KAZN: variants seen among roughly 807,000 people sequenced by gnomAD.
KAZN encodes the protein kazrin.
Under a neutral mutation model 87.4 loss-of-function variants are expected in KAZN, and 40 were observed. The observed-to-expected ratio is 0.46, with a 90% CI of 0.36 to 0.60. The LOEUF (loss-of-function observed/expected upper bound fraction) is 0.60. Ranked by LOEUF, KAZN falls within the 20% of genes least tolerant of loss-of-function variation. The probability of loss-of-function intolerance (pLI) is 0.00; values close to 1 mark genes in which losing one functional copy is unlikely to be tolerated. For synonymous variants in KAZN, 466 were observed against 458.3 expected, an observed-to-expected ratio of 1.02 and a Z score of -0.22; for missense variants, 898 against 1,073.9, an observed-to-expected ratio of 0.84 and a Z score of 2.29.
chr1:15,068,107 AT>A (rs1384429412), intron 8 of KAZN: 1 of 919,438 alleles, frequency 1.1e-6, no homozygotes, highest in African/African-American at 2.0e-5. Context: ...GGATGCAAAT[AT>A]AAAATATTAA....
At chr1:14,219,681 A>G (rs1310535295) in intron 2 of KAZN, among the ~76,000 whole-genome samples, 1 of 152,222 alleles carries the variant, frequency 6.6e-6, no homozygotes, top group East Asian at 1.9e-4. Flanking sequence ...TGCTATATGG[A>G]CAAAGTATTA....
intron 2 of KAZN, among the ~76,000 whole-genome samples, chr1:14,970,608 C>G (rs192881656): frequency 1.3e-5 from 2 of 152,322 alleles, no homozygotes; most frequent in Admixed American, 1.3e-4. Context: ...GCAGCCAGGA[C>G]GGCGCCTTCC....
chr1:15,038,073 G>A (rs1213650931), intron 3 of KAZN, among the ~76,000 whole-genome samples: 1 of 152,076 alleles, frequency 6.6e-6, no homozygotes, highest in Non-Finnish European at 1.5e-5. Flanking sequence ...ACAACAGAGT[G>A]AGACCTCCAT....
intron 1 of KAZN, among the ~76,000 whole-genome samples, chr1:14,053,549 T>C (rs1642427171): frequency 6.6e-6 from 1 of 152,192 alleles, no homozygotes; most frequent in Non-Finnish European, 1.5e-5. Flanking sequence ...AGGAAAACTG[T>C]CTGATGACAC....
intron 2 of KAZN, among the ~76,000 whole-genome samples, chr1:14,502,459 GT>G (rs984309271): frequency 2.0e-5 from 3 of 152,082 alleles, no homozygotes; most frequent in Non-Finnish European, 1.5e-5. Context: ...CAATTTCTGG[GT>G]TTTTTTAGGT....
intron 2 of KAZN, among the ~76,000 whole-genome samples, chr1:14,513,235 T>C (rs1557768721): frequency 6.6e-6 from 1 of 152,180 alleles, no homozygotes; most frequent in East Asian, 1.9e-4. Context: ...GTATAACTTA[T>C]TGTCTTAAGC....
chr1:13,998,301 A>G (rs896083998), intron 1 of KAZN, among the ~76,000 whole-genome samples: 1 of 152,228 alleles, frequency 6.6e-6, no homozygotes, highest in East Asian at 1.9e-4. Flanking sequence ...CGACACTATG[A>G]AAAAACTGCA....
At chr1:14,210,572 A>G (rs1438814904) in intron 2 of KAZN, among the ~76,000 whole-genome samples, 4 of 152,170 alleles carry the variant, frequency 2.6e-5, no homozygotes, top group Non-Finnish European at 5.9e-5. Flanking sequence ...AAATTCTCAA[A>G]CTTTTTGGTT....
intron 2 of KAZN, among the ~76,000 whole-genome samples, chr1:14,464,222 A>C (rs926973211): frequency 2.6e-5 from 4 of 152,358 alleles, no homozygotes; most frequent in African/African-American, 9.6e-5. Flanking sequence ...AGAAACTAGT[A>C]GTAGCTGGGG....
At chr1:14,843,533 C>G (rs1415064609) in intron 1 of KAZN, among the ~76,000 whole-genome samples, 1 of 152,134 alleles carries the variant, frequency 6.6e-6, no homozygotes, top group African/African-American at 2.4e-5. Context: ...TCTGCCGTGC[C>G]CTGATTCTGA....
At chr1:14,659,570 C>A (rs554637198) in intron 1 of KAZN, among the ~76,000 whole-genome samples, 1 of 152,124 alleles carries the variant, frequency 6.6e-6, no homozygotes, top group Non-Finnish European at 1.5e-5. Context: ...ACCGATGGCA[C>A]CATAAACTTC....
At chr1:14,883,418 A>AGAAAGAAAGAAG (rs1653696737) in intron 1 of KAZN, among the ~76,000 whole-genome samples, 1 of 150,018 alleles carries the variant, frequency 6.7e-6, no homozygotes, top group Non-Finnish European at 1.5e-5. Context: ...AAAGAAAGAA[A>AGAAAGAAAGAAG]GAAAGAAAAG....
intron 2 of KAZN, among the ~76,000 whole-genome samples, chr1:14,229,536 T>G (rs1647611340): frequency 6.6e-6 from 1 of 152,244 alleles, no homozygotes; most frequent in Non-Finnish European, 1.5e-5. Flanking sequence ...TATTCCTGTT[T>G]CCTTTCGGAC....
intron 2 of KAZN, among the ~76,000 whole-genome samples, chr1:14,994,780 G>T (rs1057238053): frequency 6.6e-6 from 1 of 152,216 alleles, no homozygotes; most frequent in Non-Finnish European, 1.5e-5. Flanking sequence ...CTGAGACTCC[G>T]TGTATTCATC....
intron 1 of KAZN, among the ~76,000 whole-genome samples, chr1:13,993,142 T>C (rs562482282): frequency 6.6e-6 from 1 of 152,330 alleles, no homozygotes; most frequent in South Asian, 2.1e-4. Flanking sequence ...GTTTGCCATC[T>C]CCTCTTTTCC....
chr1:14,169,754 C>G (rs1481713178), intron 1 of KAZN, among the ~76,000 whole-genome samples: 6 of 152,174 alleles, frequency 3.9e-5, no homozygotes, highest in African/African-American at 1.4e-4. Context: ...GGGCCAGGCA[C>G]TGTTTTGAGT....
chr1:15,063,934 G>A (rs187098177), intron 7 of KAZN, among the ~76,000 whole-genome samples: 39 of 152,300 alleles, frequency 2.6e-4, no homozygotes, highest in South Asian at 2.3e-3. Flanking sequence ...GGTGGGCTGG[G>A]GCCTGAGCCA....
intron 1 of KAZN, among the ~76,000 whole-genome samples, chr1:14,943,989 G>A (rs2013055): frequency 0.11 from 16,218 of 152,196 alleles, 1,008 homozygotes; most frequent in Middle Eastern, 0.14. Context: ...CAGGAGAATC[G>A]CTTGAACCCG....
At chr1:14,077,438 A>G (rs1403362360) in intron 1 of KAZN, among the ~76,000 whole-genome samples, 1 of 152,182 alleles carries the variant, frequency 6.6e-6, no homozygotes, top group African/African-American at 2.4e-5. Flanking sequence ...ATGTTACTCA[A>G]AAGATCTTTC....
Sources: allele counts gnomAD v4.1 joint callset (sites outside exome capture counted in the v4.1 genomes callset), GRCh38; gene constraint gnomAD v4.1.1; transcripts MANE v1.5; gene names NCBI Gene and HGNC (gene_info 2026-07-23, HGNC 2026-07-21).